Variants in OXR1 observed in about 807,000 individuals in gnomAD.
The protein encoded by OXR1 is oxidation resistance protein 1.
A neutral mutation model predicts 104.6 loss-of-function variants in OXR1; 41 were observed. The observed-to-expected ratio is 0.39, with a 90% confidence interval of 0.31 to 0.51. The LOEUF (loss-of-function observed/expected upper bound fraction) is 0.51. Among genes scored for constraint, OXR1 ranks in the 20% least tolerant of loss-of-function variants. OXR1 has a pLI of 0.77. For synonymous variants in OXR1, 348 were observed against 348.4 expected (o/e 1.00, Z 0.01); for missense variants, 955 against 1,031.9 (o/e 0.93, Z 1.02).
At chr8:106,690,924 A>T (rs1829211204) in intron 6 of OXR1, among the ~76,000 whole-genome samples, 1 of 151,962 alleles carries the variant, frequency 6.6e-6, no homozygotes, top group Non-Finnish European at 1.5e-5. Context: ...CCTATGTGTT[A>T]CTAGAGAACA....
chr8:106,558,688 G>A (rs1449679206), intron 3 of OXR1, among the ~76,000 whole-genome samples: 1 of 152,022 alleles, frequency 6.6e-6, no homozygotes, highest in Non-Finnish European at 1.5e-5. Flanking sequence ...TTTTTTATTA[G>A]GAACAACCTT....
At chr8:106,597,690 T>G (rs1320854940) in intron 3 of OXR1, among the ~76,000 whole-genome samples, 1 of 152,216 alleles carries the variant, frequency 6.6e-6, no homozygotes, top group Non-Finnish European at 1.5e-5. Context: ...TTCCATATTC[T>G]AGGTGAAAAG....
intron 7 of OXR1, among the ~76,000 whole-genome samples, chr8:106,698,353 A>G (rs1047887517): frequency 7.2e-5 from 11 of 152,158 alleles, no homozygotes; most frequent in Admixed American, 2.0e-4. Flanking sequence ...GAGCAATTTT[A>G]TTAGGATGTG....
chr8:106,404,927 G>A (rs1427007727), intron 2 of OXR1, among the ~76,000 whole-genome samples: 1 of 151,750 alleles, frequency 6.6e-6, no homozygotes, highest in East Asian at 1.9e-4. Flanking sequence ...GGATGGTCTC[G>A]ATCACCTGAC....
Position 106,692,682 on chromosome 8 carries a change from TTTG to T in OXR1, c.526-43_526-41del, listed in dbSNP as rs766233472. 26 of 1,287,290 alleles carry T rather than the reference TTTG, an allele frequency of 2.0e-5. No individual in the cohort carries two copies. The South Asian group carries it at 4.0e-4, about 20-fold the overall frequency. 79.7% of individuals were successfully genotyped at this position (1,287,290 alleles called of 1,614,324 possible). On this transcript the variant is annotated intron_variant, in intron 6 of 16. Coordinates refer to ENST00000517566, the MANE Select transcript of OXR1 (RefSeq NM_001198533.2). ...TTTTTAATAGTGTGCTCATTTTTATTTTGTTTTCTGCTTTTTTTTTTCTTTCCT... is the reference window on the plus strand; with the variant it reads ...TTTTTAATAGTGTGCTCATTTTTATTTTTTCTGCTTTTTTTTTTCTTTCCT...
chr8:106,289,991 T>G (rs1174851855), intron 1 of OXR1, among the ~76,000 whole-genome samples: 4 of 152,190 alleles, frequency 2.6e-5, no homozygotes, highest in Non-Finnish European at 4.4e-5. Context: ...ACCATGATTG[T>G]AAGTTTCCTG....
rs960078663 is a variant in OXR1, at chr8:106,579,230, T to C, written c.220+60091T>C. 2.0e-4 allele frequency among the ~76,000 whole-genome samples: 31 copies of C among 152,132 alleles called. 1 individual carries two copies. Among genetic ancestry groups the C allele is most frequent in the Admixed American group, 1.2e-3 (19 of 15,280 alleles). On this transcript the variant is annotated intron_variant, in intron 3 of 16. Coordinates refer to ENST00000517566, the MANE Select transcript of OXR1 (RefSeq NM_001198533.2). ...CCCTATTTATGGCTGTAGTTGGTTG[T>C]ACAGTGTTCACTTCAAACCCGTCAC...
intron 2 of OXR1, among the ~76,000 whole-genome samples, chr8:106,406,095 G>A (rs1459120141): frequency 6.6e-6 from 1 of 152,066 alleles, no homozygotes. Flanking sequence ...ACATACTTGG[G>A]ATTCTCCTGT....
chr8:106,294,412 A>AAGAAAG (rs1554619231), intron 1 of OXR1, among the ~76,000 whole-genome samples: 5 of 131,410 alleles, frequency 3.8e-5, no homozygotes, highest in Admixed American at 8.2e-5. Context: ...AAAAAAAAAA[A>AAGAAAG]AAAGAAAGAA....
chr8:106,635,294 T>C (rs1294983681), intron 3 of OXR1, among the ~76,000 whole-genome samples: 1 of 152,206 alleles, frequency 6.6e-6, no homozygotes, highest in Non-Finnish European at 1.5e-5. Context: ...CAATAAGTGA[T>C]GCAAATATGA....
intron 12 of OXR1, among the ~76,000 whole-genome samples, chr8:106,738,490 G>A (rs12550342): frequency 2.0e-5 from 3 of 152,136 alleles, no homozygotes; most frequent in Non-Finnish European, 4.4e-5. Flanking sequence ...AATTTAGCAA[G>A]AATTTCATTC....
chr8:106,356,138 T>G (rs1200811812), intron 1 of OXR1, among the ~76,000 whole-genome samples: 1 of 152,190 alleles, frequency 6.6e-6, no homozygotes, highest in Non-Finnish European at 1.5e-5. Context: ...TTATTTAAAT[T>G]AGACTTCTAC....
At chr8:106,628,158 C>T (rs147212370) in intron 3 of OXR1, among the ~76,000 whole-genome samples, 135 of 152,220 alleles carry the variant, frequency 8.9e-4, no homozygotes, top group South Asian at 6.4e-3. Flanking sequence ...GGGTTTCTAA[C>T]CTATATTCCT....
At chr8:106,339,516 AAAAATAT>A (rs1815125788) in intron 1 of OXR1, among the ~76,000 whole-genome samples, 1 of 33,772 alleles carries the variant, frequency 3.0e-5, no homozygotes, top group Admixed American at 4.5e-4. Flanking sequence ...AAAAAAAAAA[AAAAATAT>A]ATATATATAT....
chr8:106,469,523 C>A (rs1821370019), intron 2 of OXR1, among the ~76,000 whole-genome samples: 1 of 151,754 alleles, frequency 6.6e-6, no homozygotes, highest in Non-Finnish European at 1.5e-5. Context: ...TCTGCCTCAG[C>A]TATAGAAATA....
intron 2 of OXR1, among the ~76,000 whole-genome samples, chr8:106,504,144 G>A (rs1438626270): frequency 1.3e-5 from 2 of 152,144 alleles, no homozygotes; most frequent in African/African-American, 4.8e-5. Flanking sequence ...TTCCCTCGTT[G>A]GGCTAATGTT....
chr8:106,397,346 C>G (rs146444772), intron 2 of OXR1, among the ~76,000 whole-genome samples: 1 of 152,080 alleles, frequency 6.6e-6, no homozygotes, highest in Non-Finnish European at 1.5e-5. Flanking sequence ...ACCTTTGAAT[C>G]TTAAATAACA....
intron 1 of OXR1, among the ~76,000 whole-genome samples, chr8:106,302,858 TCTC>T (rs781211896): frequency 4.9e-4 from 74 of 151,642 alleles, no homozygotes; most frequent in Middle Eastern, 6.8e-3. Context: ...TTCATGCCAT[TCTC>T]CTGCCTCGGC....
chr8:106,298,776 CA>C (rs1213895769), intron 1 of OXR1, among the ~76,000 whole-genome samples: 1 of 151,748 alleles, frequency 6.6e-6, no homozygotes, highest in African/African-American at 2.4e-5. Flanking sequence ...AACAAACAAA[CA>C]AAAAACCACC....
Sources: gnomAD v4.1 joint callset for allele counts (sites outside exome capture counted in the v4.1 genomes callset) on GRCh38, gnomAD v4.1.1 for gene constraint, MANE v1.5 for transcripts, NCBI Gene and HGNC (gene_info 2026-07-23, HGNC 2026-07-21) for gene names.